The following UTRN variants were observed in gnomAD, a reference collection of about 807,000 sequenced individuals.
UTRN encodes the protein utrophin, also known as dystrophin-related protein 1.
A neutral mutation model predicts 463.9 loss-of-function variants in UTRN; 283 were observed. The ratio of observed to expected loss-of-function variants is 0.61; its 90% CI spans 0.55 to 0.67. UTRN has a LOEUF of 0.67. Ranked by LOEUF, UTRN falls within the 30% of genes least tolerant of loss-of-function variation. The pLI is 0.00. For missense variants in UTRN, 3,922 were observed against 4,084.3 expected (o/e 0.96, Z 1.08); for synonymous variants, 1,442 against 1,431.5 (o/e 1.01, Z -0.17).
chr6:144,322,042 G>T (rs1027071219), intron 2 of UTRN, among the ~76,000 whole-genome samples: 9 of 152,218 alleles, frequency 5.9e-5, no homozygotes, highest in Non-Finnish European at 1.2e-4. Context: ...GGGATTACGG[G>T]CGTGAGCACC....
At chr6:144,315,726 C>T (rs181034018) in intron 2 of UTRN, among the ~76,000 whole-genome samples, 6 of 152,320 alleles carry the variant, frequency 3.9e-5, no homozygotes, top group Non-Finnish European at 4.4e-5. Flanking sequence ...ATTTCAGCGT[C>T]GTTTTTCACC....
chr6:144,452,326 T>G (rs1002866737), intron 18 of UTRN, among the ~76,000 whole-genome samples: 2 of 152,194 alleles, frequency 1.3e-5, no homozygotes, highest in African/African-American at 4.8e-5. Flanking sequence ...TTGATAGCAC[T>G]TACATGTAAA....
At chr6:144,302,415 G>A (rs1584201310) in intron 2 of UTRN, among the ~76,000 whole-genome samples, 1 of 151,198 alleles carries the variant, frequency 6.6e-6, no homozygotes, top group South Asian at 2.1e-4. Context: ...GGAGGCTGAG[G>A]CAGGAGAATC....
At chr6:144,546,428 C>T (rs1798411901) in intron 46 of UTRN, among the ~76,000 whole-genome samples, 5 of 152,144 alleles carry the variant, frequency 3.3e-5, no homozygotes, top group Non-Finnish European at 5.9e-5. Flanking sequence ...GAAAAATTTT[C>T]CATTAATTCA....
chr6:144,468,591 A>AGTGTGTGTGT (rs113136064), intron 23 of UTRN, among the ~76,000 whole-genome samples: 49 of 150,402 alleles, frequency 3.3e-4, no homozygotes, highest in African/African-American at 1.2e-3. Context: ...CCCTTAAAGA[A>AGTGTGTGTGT]ATGTGTGTGT....
At position 144,836,700 on chromosome 6, in the gene UTRN, A is replaced by C. The variant is rs1781136321; in HGVS notation, c.10065+159A>C. 4 of 1,152,534 alleles carry C rather than the reference A, an allele frequency of 3.5e-6. No individual in the cohort carries two copies. In the East Asian group the frequency reaches 1.1e-4, roughly 30 times the overall value. 71.4% of individuals were successfully genotyped at this position (1,152,534 alleles called of 1,614,324 possible). A position where few individuals can be genotyped will look rare whatever the true frequency, so the allele number is the denominator to read the frequency against. Reference sequence around the variant, plus strand: ...GCTTAGAAATTTCCTTTTACATGTAAGCATATAAATCCTCATTGGCACACA... The same window carrying C: ...GCTTAGAAATTTCCTTTTACATGTACGCATATAAATCCTCATTGGCACACA... On this transcript the variant is annotated intron_variant, in intron 71 of 74. Transcript: ENST00000367545.
At chr6:144,373,175 CA>C (rs1562309807) in intron 2 of UTRN, among the ~76,000 whole-genome samples, 1 of 152,008 alleles carries the variant, frequency 6.6e-6, no homozygotes, top group Non-Finnish European at 1.5e-5. Context: ...GTTTTCTGCC[CA>C]AGAAAACTGA....
chr6:144,776,034 A>G (rs1454217169), intron 60 of UTRN, among the ~76,000 whole-genome samples: 4 of 152,178 alleles, frequency 2.6e-5, no homozygotes, highest in Non-Finnish European at 5.9e-5. Context: ...TTCAGAGCCA[A>G]CTGACCTTCA....
At chr6:144,760,951 A>G (rs942206643) in intron 58 of UTRN, among the ~76,000 whole-genome samples, 16 of 152,212 alleles carry the variant, frequency 1.1e-4, no homozygotes, top group African/African-American at 3.9e-4. Context: ...TTTTAATTTT[A>G]TAGATCACTT....
At chr6:144,707,778 A>G (rs933777730) in intron 53 of UTRN, among the ~76,000 whole-genome samples, 6 of 152,190 alleles carry the variant, frequency 3.9e-5, no homozygotes, top group Non-Finnish European at 7.3e-5. Flanking sequence ...ATGTTATGCT[A>G]TTAGTCTATT....
intron 2 of UTRN, among the ~76,000 whole-genome samples, chr6:144,338,332 G>T (rs1004672053): frequency 6.6e-6 from 1 of 151,600 alleles, no homozygotes; most frequent in Non-Finnish European, 1.5e-5. Context: ...GGACACAAAT[G>T]GGTTAAAAAA....
intron 50 of UTRN, among the ~76,000 whole-genome samples, chr6:144,576,020 C>A (rs1308358768): frequency 6.6e-6 from 1 of 152,114 alleles, no homozygotes; most frequent in African/African-American, 2.4e-5. Context: ...ATATCTGGCC[C>A]TTTGTGTTTA....
intron 9 of UTRN, among the ~76,000 whole-genome samples, chr6:144,433,230 C>A (rs1786077500): frequency 6.6e-6 from 1 of 151,522 alleles, no homozygotes. Context: ...GGTGGCCGGG[C>A]AGAGGGGCTC....
chr6:144,762,352 A>G (rs1490025879), intron 58 of UTRN, among the ~76,000 whole-genome samples: 1 of 152,186 alleles, frequency 6.6e-6, no homozygotes, highest in Non-Finnish European at 1.5e-5. Context: ...ATGAAGGATT[A>G]TATTTAGGAA....
Position 144,426,507 on chromosome 6 carries a change from C to T in UTRN, c.578+48C>T, listed in dbSNP as rs760726677. On this transcript the variant is annotated intron_variant, in intron 7 of 74. Transcript: ENST00000367545. ...AGTGGGCTTTACAAATTCATGTCTC[C>T]TCTCTGTCCCTTTGCTGCCACCACT... The T allele has an allele frequency of 7.1e-6, 11 of 1,539,686 alleles. No individual in the cohort carries two copies. The South Asian group carries it at 7.4e-5, about 10-fold the overall frequency.
At chr6:144,512,001 A>T (rs1312158827) in intron 35 of UTRN, among the ~76,000 whole-genome samples, 1 of 152,148 alleles carries the variant, frequency 6.6e-6, no homozygotes, top group East Asian at 1.9e-4. Context: ...ATTTATTTAA[A>T]TTCCTCAGGA....
At chr6:144,624,692 T>A (rs944231034) in intron 51 of UTRN, among the ~76,000 whole-genome samples, 8 of 152,122 alleles carry the variant, frequency 5.3e-5, no homozygotes, top group African/African-American at 1.9e-4. Flanking sequence ...TTCATTGACA[T>A]CCTGGCAGCT....
chr6:144,351,694 A>C (rs1778122515), intron 2 of UTRN, among the ~76,000 whole-genome samples: 1 of 152,220 alleles, frequency 6.6e-6, no homozygotes, highest in Admixed American at 6.5e-5. Context: ...AGCTTTATTT[A>C]GTCTGCAGAG....
At chr6:144,343,409 C>CACACACACAA (rs1554220421) in intron 2 of UTRN, among the ~76,000 whole-genome samples, 1 of 141,600 alleles carries the variant, frequency 7.1e-6, no homozygotes, top group African/African-American at 2.7e-5. Context: ...CACACACACA[C>CACACACACAA]AATAGCCGGG....
Sources: gnomAD v4.1 joint callset for allele counts (sites outside exome capture counted in the v4.1 genomes callset) on GRCh38, gnomAD v4.1.1 for gene constraint, MANE v1.5 for transcripts, NCBI Gene and HGNC (gene_info 2026-07-23, HGNC 2026-07-21) for gene names.